The following AFF1 variants were observed in gnomAD, a reference collection of about 807,000 sequenced individuals.
AFF1 encodes ALF transcription elongation factor 1, also known as AF4/FMR2 family member 1.
A neutral mutation model predicts 121.7 loss-of-function variants in AFF1; 48 were observed. The observed-to-expected ratio is 0.39, with a 90% CI of 0.31 to 0.50. The LOEUF (loss-of-function observed/expected upper bound fraction) is 0.50. AFF1 is among the 20% of genes least tolerant of loss of function. AFF1 has a pLI of 0.76. For synonymous variants in AFF1, 613 were observed against 563.0 expected (o/e 1.09, Z -1.26); for missense variants, 1,523 against 1,511.7 (o/e 1.01, Z -0.12).
chr4:87,028,529 T>C (rs939925697), intron 2 of AFF1, among the ~76,000 whole-genome samples: 12 of 152,168 alleles, frequency 7.9e-5, no homozygotes, highest in Non-Finnish European at 1.5e-4. Context: ...TTCAATTTTT[T>C]AAAACCTGTT....
chr4:87,101,468 T>C (rs960290297), intron 8 of AFF1, among the ~76,000 whole-genome samples: 2 of 152,062 alleles, frequency 1.3e-5, no homozygotes, highest in Non-Finnish European at 2.9e-5. Flanking sequence ...TCCCAGCTAC[T>C]CAGGAGGCTT....
chr4:87,006,832 G>C (rs1364801497), intron 2 of AFF1, among the ~76,000 whole-genome samples: 1 of 152,216 alleles, frequency 6.6e-6, no homozygotes, highest in Non-Finnish European at 1.5e-5. Flanking sequence ...TCGGCGCCCA[G>C]GCTCTGCCCC....
chr4:87,133,737 G>T (rs1729056417), intron 19 of AFF1, among the ~76,000 whole-genome samples: 1 of 152,156 alleles, frequency 6.6e-6, no homozygotes. Flanking sequence ...AACATCATGA[G>T]GCTACTGCCG....
At chr4:87,022,206 C>CA (rs11296179) in intron 2 of AFF1, among the ~76,000 whole-genome samples, 1,517 of 75,764 alleles carry the variant, frequency 0.02, 45 homozygotes, top group African/African-American at 0.058. Flanking sequence ...GACTCCATCT[C>CA]AAAAAAAAAA....
intron 4 of AFF1, among the ~76,000 whole-genome samples, chr4:87,060,263 T>G (rs189666949): frequency 2.0e-5 from 3 of 152,312 alleles, no homozygotes; most frequent in African/African-American, 7.2e-5. Flanking sequence ...ATCAGATTGT[T>G]TTATGTGCTA....
rs779004414 is a variant in AFF1, at chr4:87,047,132, G to A, written c.597G>A (p.Ser199=). The A allele has an allele frequency of 1.1e-5, 17 of 1,614,038 alleles. No homozygotes were observed. The highest frequency in any genetic ancestry group is 1.6e-4 in the Middle Eastern group (1 of 6,084). The change falls in exon 4 of 21, where the codon TCG becomes TCA. Residue 199 remains serine (S), a synonymous_variant. Coordinates refer to ENST00000395146, the MANE Select transcript of AFF1 (RefSeq NM_001166693.3). ...ACCACTGTGCTTCGGTGACAGATTC[G>A]GCTCCAGAGAGGGAGCTTTCTCCCT... ...DGDHCASVTD[S]APERELSPLI...
At chr4:87,100,091 C>T (rs1725269124) in intron 8 of AFF1, among the ~76,000 whole-genome samples, 2 of 152,126 alleles carry the variant, frequency 1.3e-5, no homozygotes, top group African/African-American at 2.4e-5. Context: ...CTTTAAGTGT[C>T]ATTTTACATC....
At chr4:87,084,307 G>C in intron 5 of AFF1, 143 bp downstream of exon 5, 1 of 814,336 alleles carries the variant, frequency 1.2e-6, no homozygotes, top group South Asian at 1.5e-5. Context: ...GGGAGGCCAA[G>C]GTGGGCGGAT....
intron 2 of AFF1, among the ~76,000 whole-genome samples, chr4:87,035,508 C>T (rs1382336178): frequency 6.6e-6 from 1 of 151,630 alleles, no homozygotes; most frequent in Non-Finnish European, 1.5e-5. Flanking sequence ...TTGCAGTGAG[C>T]GGAGATCGCG....
At chr4:87,096,801 T>C (rs1434909811) in intron 8 of AFF1, among the ~76,000 whole-genome samples, 2 of 152,134 alleles carry the variant, frequency 1.3e-5, no homozygotes, top group Non-Finnish European at 2.9e-5. Context: ...AGAGACAGGG[T>C]CTCACTATGT....
intron 18 of AFF1, 150 bp from the exon 19 acceptor site, chr4:87,132,121 G>C (rs189617855): frequency 1.2e-4 from 107 of 902,154 alleles, no homozygotes; most frequent in Non-Finnish European, 1.6e-4. Context: ...TTACTTTTGG[G>C]ATAGTATGAA....
At chr4:86,946,126 T>A (rs571020423) in intron 1 of AFF1, among the ~76,000 whole-genome samples, 114 of 152,236 alleles carry the variant, frequency 7.5e-4, no homozygotes, top group African/African-American at 2.7e-3. Flanking sequence ...TTTCTACTTA[T>A]CAGTCCCGAG....
intron 2 of AFF1, among the ~76,000 whole-genome samples, chr4:86,974,315 T>C (rs1248598201): frequency 6.6e-6 from 1 of 151,984 alleles, no homozygotes; most frequent in Non-Finnish European, 1.5e-5. Context: ...GCCGGGCTAA[T>C]TTTTTTGTAT....
rs1748328150 is a variant in AFF1 at position 86,935,017 on chromosome 4, C to G, written c.-260C>G. On this transcript the variant is annotated 5_prime_UTR_variant, in exon 1 of 21. Transcript: ENST00000395146. ...CCGGCGTGCTGAGCTTGCCAGCCAG[C>G]TAGCGAGCGACGGGCGCGCGCGGCC... 1 of 151,994 alleles carries G rather than the reference C, an allele frequency of 6.6e-6. No homozygotes were observed. Among genetic ancestry groups the G allele is most frequent in the Non-Finnish European group, 1.5e-5 (1 of 67,934 alleles). The allele number at this position is 151,994 out of a possible 1,614,324, so 9.4% of individuals were successfully genotyped here. A position where few individuals can be genotyped will look rare whatever the true frequency, so the allele number is the denominator to read the frequency against.
rs760457740 is a variant in AFF1, at chr4:87,132,356, C to T, written c.3259C>T (p.His1087Tyr). 2.5e-6 allele frequency: 4 copies of T among 1,613,244 alleles called. No individual in the cohort carries two copies. The South Asian group carries it at 3.3e-5, about 13-fold the overall frequency. ...AIKYSRTLNK[H>Y]FESSSKVAQA... ...AAAGTATTCTCGTACTCTTAATAAA[C>T]ACTTCGAGAGTTCTTCCAAAGTCGC... is the stretch of plus-strand genomic sequence containing the variant. The change falls in exon 19 of 21, where the codon CAC becomes TAC. Residue 1087 changes from histidine to tyrosine, a missense_variant. His to Tyr is a moderately conservative substitution (Grantham distance 83). This residue lies in a region of AFF1 where 241 missense variants were observed against 265.2 expected (regional missense o/e 0.91). Coordinates refer to ENST00000395146, the MANE Select transcript of AFF1 (RefSeq NM_001166693.3).
chr4:87,115,422 C>T (rs1578282869), intron 12 of AFF1, 123 bp downstream of exon 12: 4 of 1,039,538 alleles, frequency 3.8e-6, no homozygotes, highest in Non-Finnish European at 4.1e-6. Context: ...TGCTTTGATT[C>T]GCTGTAGCCT....
intron 2 of AFF1, among the ~76,000 whole-genome samples, chr4:87,033,034 C>T (rs982828536): frequency 1.3e-5 from 2 of 152,148 alleles, no homozygotes; most frequent in Non-Finnish European, 2.9e-5. Context: ...CCTGTAGTCC[C>T]AGCTACTCAG....
chr4:87,038,074 G>A (rs1426463502), intron 2 of AFF1, among the ~76,000 whole-genome samples: 1 of 152,206 alleles, frequency 6.6e-6, no homozygotes, highest in East Asian at 1.9e-4. Flanking sequence ...TCCCCTGGGG[G>A]CTCTTCCAGG....
intron 2 of AFF1, among the ~76,000 whole-genome samples, chr4:86,948,913 T>C (rs544479913): frequency 5.0e-4 from 76 of 152,268 alleles, no homozygotes; most frequent in African/African-American, 1.7e-3. Flanking sequence ...TTGAAATAAA[T>C]AAACAAATCC....
Sources: allele counts gnomAD v4.1 joint callset (sites outside exome capture counted in the v4.1 genomes callset), GRCh38; gene constraint gnomAD v4.1.1; regional missense constraint gnomAD v4.1.1; transcripts MANE v1.5; gene names NCBI Gene and HGNC (gene_info 2026-07-23, HGNC 2026-07-21).